The following PTPRD variants were observed in gnomAD, a reference collection of about 807,000 sequenced individuals.
The protein encoded by PTPRD is protein tyrosine phosphatase receptor type D.
PTPRD carries 34 observed loss-of-function variants against 214.5 expected under a neutral mutation model. The observed-to-expected ratio is 0.16, with a 90% CI of 0.12 to 0.21. The LOEUF is 0.21. Among genes scored for constraint, PTPRD ranks in the 10% least tolerant of loss-of-function variants. The pLI, the probability that PTPRD is intolerant of heterozygous loss-of-function variation, is 1.00. For missense variants in PTPRD, 2,545 were observed against 2,398.7 expected (o/e 1.06, Z -1.27); for synonymous variants, 1,128 against 845.7 (o/e 1.33, Z -5.79).
At chr9:8,569,677 T>A (rs2090519882) in intron 14 of PTPRD, among the ~76,000 whole-genome samples, 1 of 152,072 alleles carries the variant, frequency 6.6e-6, no homozygotes, top group African/African-American at 2.4e-5. Context: ...TCATATAACA[T>A]CCTTAAGAAA....
At chr9:8,755,777 T>C (rs1010240628) in intron 11 of PTPRD, among the ~76,000 whole-genome samples, 1 of 152,146 alleles carries the variant, frequency 6.6e-6, no homozygotes, top group South Asian at 2.1e-4. Context: ...AAGTCAAAGT[T>C]ACACACAAAG....
At chr9:9,129,160 C>G (rs564054411) in intron 10 of PTPRD, among the ~76,000 whole-genome samples, 1 of 152,122 alleles carries the variant, frequency 6.6e-6, no homozygotes, top group Admixed American at 6.5e-5. Flanking sequence ...GAGGCCGAGG[C>G]GGGTTGATCA....
intron 2 of PTPRD, among the ~76,000 whole-genome samples, chr9:10,440,278 T>G (rs1327065370): frequency 6.6e-6 from 1 of 151,774 alleles, no homozygotes; most frequent in East Asian, 1.9e-4. Context: ...TTTCTAAGAT[T>G]GCAAAAAGTT....
At chr9:9,672,758 T>C (rs1336789289) in intron 7 of PTPRD, among the ~76,000 whole-genome samples, 1 of 152,044 alleles carries the variant, frequency 6.6e-6, no homozygotes, top group Admixed American at 6.5e-5. Flanking sequence ...AAAAAAAAAT[T>C]AGTGATGTAT....
At chr9:10,299,712 G>T (rs1004490688) in intron 3 of PTPRD, among the ~76,000 whole-genome samples, 1 of 152,142 alleles carries the variant, frequency 6.6e-6, no homozygotes, top group South Asian at 2.1e-4. Flanking sequence ...ATAACAGCTG[G>T]TTTTTATAGC....
At chr9:10,594,134 G>C (rs1427394241) in intron 2 of PTPRD, among the ~76,000 whole-genome samples, 1 of 151,844 alleles carries the variant, frequency 6.6e-6, no homozygotes, top group Non-Finnish European at 1.5e-5. Context: ...GTTATAGCCT[G>C]TTATGTAGAA....
intron 3 of PTPRD, among the ~76,000 whole-genome samples, chr9:10,211,763 T>G (rs533698579): frequency 6.6e-6 from 1 of 151,976 alleles, no homozygotes; most frequent in African/African-American, 2.4e-5. Flanking sequence ...AACATGGACA[T>G]AGAGCACAGA....
chr9:10,433,671 T>C (rs1224889999), intron 2 of PTPRD, among the ~76,000 whole-genome samples: 1 of 151,846 alleles, frequency 6.6e-6, no homozygotes, highest in Non-Finnish European at 1.5e-5. Context: ...AATACAACAT[T>C]ATAAAAAAGT....
intron 12 of PTPRD, among the ~76,000 whole-genome samples, chr9:8,702,547 C>G (rs1205972907): frequency 6.6e-6 from 1 of 152,150 alleles, no homozygotes; most frequent in Non-Finnish European, 1.5e-5. Flanking sequence ...TGATAGACAT[C>G]TGTAAAGGAG....
intron 4 of PTPRD, among the ~76,000 whole-genome samples, chr9:9,977,922 C>G (rs550729883): frequency 2.0e-4 from 22 of 109,162 alleles, no homozygotes; most frequent in African/African-American, 5.7e-4. Flanking sequence ...ATTTAACATA[C>G]CTTTCCAGAA....
At chr9:10,054,451 AG>A (rs2097585487) in intron 3 of PTPRD, among the ~76,000 whole-genome samples, 1 of 152,180 alleles carries the variant, frequency 6.6e-6, no homozygotes, top group Non-Finnish European at 1.5e-5. Flanking sequence ...ACTACACTGT[AG>A]AAAGGCTTCC....
chr9:9,112,120 C>T (rs1415528009), intron 10 of PTPRD, among the ~76,000 whole-genome samples: 1 of 152,136 alleles, frequency 6.6e-6, no homozygotes, highest in African/African-American at 2.4e-5. Flanking sequence ...GTCTACAAAG[C>T]CATGCTAGAA....
At chr9:10,548,818 T>C (rs1296081842) in intron 2 of PTPRD, among the ~76,000 whole-genome samples, 2 of 152,094 alleles carry the variant, frequency 1.3e-5, no homozygotes, top group Non-Finnish European at 2.9e-5. Context: ...TCAGCATAAT[T>C]ATAAAGTCTC....
intron 10 of PTPRD, among the ~76,000 whole-genome samples, chr9:9,043,155 G>C (rs971853296): frequency 1.2e-4 from 19 of 152,110 alleles, no homozygotes; most frequent in African/African-American, 3.9e-4. Context: ...TCACAACAAA[G>C]ATACATAAAT....
intron 4 of PTPRD, among the ~76,000 whole-genome samples, chr9:10,002,793 A>T (rs547267360): frequency 1.4e-5 from 2 of 144,550 alleles, no homozygotes; most frequent in Non-Finnish European, 3.1e-5. Context: ...AGTAGATGAT[A>T]AAAAAAAAAG....
rs189778578 is a variant in PTPRD, at chr9:9,451,567, T to G, written c.-236-54085A>C. Reference sequence around the variant, plus strand: ...GTTTCCTAGAAACATGTCCCTGCAGTGAAAAATTACAAAATAAATAAGGCA... The same window carrying G: ...GTTTCCTAGAAACATGTCCCTGCAGGGAAAAATTACAAAATAAATAAGGCA... On this transcript the variant is annotated intron_variant, in intron 8 of 45. Transcript: ENST00000381196. Among the ~76,000 whole-genome samples, 43 of 151,508 alleles carry G rather than the reference T, an allele frequency of 2.8e-4. 1 individual carries two copies. Among genetic ancestry groups the G allele is most frequent in the African/African-American group, 9.9e-4 (41 of 41,400 alleles).
chr9:8,392,506 G>A (rs774438796), intron 36 of PTPRD, among the ~76,000 whole-genome samples: 4 of 152,012 alleles, frequency 2.6e-5, no homozygotes, highest in African/African-American at 4.8e-5. Context: ...ATTCCTGGGC[G>A]ACAGAGCAAG....
chr9:10,583,686 G>T (rs1444068652), intron 2 of PTPRD, among the ~76,000 whole-genome samples: 1 of 151,798 alleles, frequency 6.6e-6, no homozygotes, highest in Non-Finnish European at 1.5e-5. Flanking sequence ...CACCATGTTA[G>T]TCAGGATGGT....
intron 2 of PTPRD, among the ~76,000 whole-genome samples, chr9:10,348,951 C>T (rs561310495): frequency 2.6e-5 from 4 of 152,138 alleles, no homozygotes; most frequent in Admixed American, 6.5e-5. Context: ...CAAAGTTCAC[C>T]ATGGCAGTGT....
Sources: gnomAD v4.1 joint callset for allele counts (sites outside exome capture counted in the v4.1 genomes callset) on GRCh38, gnomAD v4.1.1 for gene constraint, MANE v1.5 for transcripts, NCBI Gene and HGNC (gene_info 2026-07-23, HGNC 2026-07-21) for gene names.